The following CFAP20DC variants were observed in gnomAD, a reference collection of about 807,000 sequenced individuals.
The protein encoded by CFAP20DC is CFAP20 domain containing, also known as protein CFAP20DC.
Under a neutral mutation model 101.7 loss-of-function variants are expected in CFAP20DC, and 84 were observed. The ratio of observed to expected loss-of-function variants is 0.83; its 90% CI spans 0.69 to 0.99. The LOEUF is 0.99. CFAP20DC is among the 50% of genes least tolerant of loss of function. The probability of loss-of-function intolerance (pLI) is 0.00; values close to 1 mark genes in which losing one functional copy is unlikely to be tolerated. For missense variants in CFAP20DC, 1,007 were observed against 970.3 expected (o/e 1.04, Z -0.50); for synonymous variants, 359 against 351.2 (o/e 1.02, Z -0.25).
At chr3:58,889,085 A>G (rs1171674439) in intron 6 of CFAP20DC, among the ~76,000 whole-genome samples, 1 of 152,028 alleles carries the variant, frequency 6.6e-6, no homozygotes, top group Non-Finnish European at 1.5e-5. Context: ...AAAATTATTA[A>G]CTTTCTCACA....
intron 7 of CFAP20DC, among the ~76,000 whole-genome samples, chr3:58,870,894 CAAAAAAAA>C (rs548763648): frequency 5.3e-4 from 10 of 18,952 alleles, no homozygotes; most frequent in Admixed American, 2.3e-3. Context: ...GACTCCGTCT[CAAAAAAAA>C]AAAAAAAAAA....
intron 4 of CFAP20DC, among the ~76,000 whole-genome samples, chr3:58,949,136 T>C (rs2089753517): frequency 1.3e-5 from 2 of 152,218 alleles, no homozygotes; most frequent in Non-Finnish European, 2.9e-5. Flanking sequence ...GGTGGTGATA[T>C]CCCCTTTATC....
chr3:58,853,458 G>A (rs1367541810), intron 12 of CFAP20DC, among the ~76,000 whole-genome samples: 1 of 152,158 alleles, frequency 6.6e-6, no homozygotes, highest in East Asian at 1.9e-4. Context: ...AATAGAAAAA[G>A]AGGGAATCCT....
chr3:58,721,009 T>C lies in CFAP20DC; in HGVS notation c.198-3381A>G, dbSNP rs894169404. Among the ~76,000 whole-genome samples, 1 of 152,158 alleles carries C rather than the reference T, an allele frequency of 6.6e-6. No individual in the cohort carries two copies. Among genetic ancestry groups the C allele is most frequent in the Admixed American group, 6.5e-5 (1 of 15,282 alleles). ...AGAAGCACTTGGTGGAAATCTCATT[T>C]CCTCAAGAAAACCTCCTCAGACTCC... On this transcript the variant is annotated intron_variant, in intron 3 of 3. Coordinates refer to the CFAP20DC transcript ENST00000486145. This position sits in a 1 kb window ranked among gnomAD's most constrained non-coding sequence, Gnocchi z 5.2.
chr3:59,013,912 G>C (rs2093638689), intron 4 of CFAP20DC, among the ~76,000 whole-genome samples: 1 of 152,076 alleles, frequency 6.6e-6, no homozygotes, highest in African/African-American at 2.4e-5. Flanking sequence ...TAACTTCAGG[G>C]AACAAGAATT....
At chr3:58,963,328 A>G (rs920846389) in intron 4 of CFAP20DC, among the ~76,000 whole-genome samples, 4 of 151,132 alleles carry the variant, frequency 2.6e-5, no homozygotes, top group African/African-American at 9.7e-5. Flanking sequence ...CAGTTTTACT[A>G]TTGCTTTTTT....
At chr3:58,972,817 G>A (rs1044935169) in intron 4 of CFAP20DC, among the ~76,000 whole-genome samples, 3 of 152,142 alleles carry the variant, frequency 2.0e-5, no homozygotes, top group African/African-American at 7.2e-5. Context: ...CAAAGCATAA[G>A]TAAGGCAGTA....
Position 58,861,651 on chromosome 3 carries a change from T to C in CFAP20DC, c.1593+1907A>G. The stretch of plus-strand genomic sequence containing the variant: ...TTTTGTATCTTAGCTTGTATCTCGT[T>C]AGTCTCTGTACCAGCAAACCCCAAA... On this transcript the variant is annotated intron_variant, in intron 12 of 16. Transcript: ENST00000482387. This position sits in a 1 kb window ranked among gnomAD's most constrained non-coding sequence, Gnocchi z 4.0. 2.0e-6 allele frequency: 2 copies of C among 985,468 alleles called. No individual in the cohort carries two copies. The highest frequency in any genetic ancestry group is 3.5e-5 in the African/African-American group (2 of 57,382). 61.0% of individuals were successfully genotyped at this position (985,468 alleles called of 1,614,324 possible).
In CFAP20DC at chr3:58,721,231, T is replaced by C. The variant is rs990229900; in HGVS notation, c.198-3603A>G. ...GTGGATAGGAGGTACTCAATCACTA[T>C]ATAAATATGTTCCAACACGTTTATT... is the stretch of plus-strand genomic sequence containing the variant. On this transcript the variant is annotated intron_variant, in intron 3 of 3. Transcript: ENST00000486145. The surrounding 1 kb of genome is among the most constrained non-coding windows in gnomAD (Gnocchi z 5.2). 1.3e-5 allele frequency among the ~76,000 whole-genome samples: 2 copies of C among 152,202 alleles called. No individual in the cohort carries two copies. Among genetic ancestry groups the C allele is most frequent in the South Asian group, 2.1e-4 (1 of 4,836 alleles).
At chr3:58,877,984 G>C (rs2080897028) in intron 7 of CFAP20DC, among the ~76,000 whole-genome samples, 1 of 152,178 alleles carries the variant, frequency 6.6e-6, no homozygotes, top group African/African-American at 2.4e-5. Flanking sequence ...GCAAATTGAA[G>C]TGGCTTCAGT....
chr3:58,888,031 C>A (rs932599042), intron 6 of CFAP20DC, among the ~76,000 whole-genome samples: 6 of 152,166 alleles, frequency 3.9e-5, no homozygotes, highest in Non-Finnish European at 8.8e-5. Flanking sequence ...TGTTCTCTAG[C>A]ACTAAATGGA....
At chr3:58,980,962 G>A (rs1424258336) in intron 4 of CFAP20DC, among the ~76,000 whole-genome samples, 3 of 152,268 alleles carry the variant, frequency 2.0e-5, no homozygotes, top group South Asian at 4.1e-4. Flanking sequence ...AAACCCCATT[G>A]TCTCAGCCCA....
chr3:58,895,956 G>A (rs370276423), intron 6 of CFAP20DC, among the ~76,000 whole-genome samples: 3 of 152,136 alleles, frequency 2.0e-5, no homozygotes, highest in Non-Finnish European at 4.4e-5. Context: ...GCACAAGAAC[G>A]ACCTGCCCCC....
intron 15 of CFAP20DC, among the ~76,000 whole-genome samples, chr3:58,763,475 G>T (rs1423376646): frequency 6.6e-6 from 1 of 151,970 alleles, no homozygotes; most frequent in Non-Finnish European, 1.5e-5. Context: ...TCTTTGCCAT[G>T]GGTTTGAACT....
At chr3:58,743,237 G>A (rs896915377) in intron 16 of CFAP20DC, among the ~76,000 whole-genome samples, 3 of 151,164 alleles carry the variant, frequency 2.0e-5, no homozygotes, top group Non-Finnish European at 2.9e-5. Flanking sequence ...AGTCATTATC[G>A]AGGCCTGCTG....
In CFAP20DC at chr3:58,892,456, C is replaced by G. The variant is rs200834928; in HGVS notation, c.551-7747G>C. Among the ~76,000 whole-genome samples the G allele has an allele frequency of 3.3e-5, 5 of 152,190 alleles. No homozygotes were observed. In the East Asian group the frequency reaches 9.6e-4, roughly 29 times the overall value. On this transcript the variant is annotated intron_variant, in intron 6 of 16. Transcript: ENST00000482387. The surrounding 1 kb of genome is among the most constrained non-coding windows in gnomAD (Gnocchi z 4.0). Reference sequence around the variant, plus strand: ...GCCATTTTCATGATATTGATTCTTCCTATCCATGAGCATGGAATGTTTTTC... The same window carrying G: ...GCCATTTTCATGATATTGATTCTTCGTATCCATGAGCATGGAATGTTTTTC...
chr3:58,888,192 C>G (rs961478709), intron 6 of CFAP20DC, among the ~76,000 whole-genome samples: 1 of 152,126 alleles, frequency 6.6e-6, no homozygotes, highest in African/African-American at 2.4e-5. Flanking sequence ...CATTAAATAG[C>G]GCTTCATTGT....
intron 5 of CFAP20DC, among the ~76,000 whole-genome samples, chr3:58,932,144 C>G (rs1197958638): frequency 6.6e-6 from 1 of 152,058 alleles, no homozygotes; most frequent in East Asian, 1.9e-4. Flanking sequence ...CTCAGGAGCC[C>G]ATGCGATCAA....
Position 58,742,361 on chromosome 3 carries a change from T to C in CFAP20DC, c.*99A>G. On this transcript the variant is annotated 3_prime_UTR_variant, in exon 17 of 17. Transcript: ENST00000482387. ...TTTCTCTCAGTTACTGTTGATTTTGTGGTCACCCAACACATAAGTTGTGGT... is the reference window on the plus strand; with the variant it reads ...TTTCTCTCAGTTACTGTTGATTTTGCGGTCACCCAACACATAAGTTGTGGT... 7.6e-7 allele frequency: 1 copy of C among 1,313,456 alleles called. No homozygotes were observed. Among genetic ancestry groups the C allele is most frequent in the Non-Finnish European group, 9.8e-7 (1 of 1,021,712 alleles). The allele number at this position is 1,313,456 out of a possible 1,614,324, so 81.4% of individuals were successfully genotyped here.
Sources: gnomAD v4.1 joint callset for allele counts (sites outside exome capture counted in the v4.1 genomes callset) on GRCh38, gnomAD v4.1.1 for gene constraint, Gnocchi (gnomAD v3.1) non-coding constraint, MANE v1.5 for transcripts, NCBI Gene and HGNC (gene_info 2026-07-23, HGNC 2026-07-21) for gene names.